Variants in FMN1 observed in about 807,000 individuals in gnomAD.
The protein encoded by FMN1 is formin 1.
Under a neutral mutation model 132.4 loss-of-function variants are expected in FMN1, and 110 were observed. The observed-to-expected ratio is 0.83, with a 90% CI of 0.71 to 0.97. The LOEUF (loss-of-function observed/expected upper bound fraction) is 0.97. FMN1 is among the 50% of genes least tolerant of loss of function. FMN1 has a pLI of 0.00. For missense variants in FMN1, 1,792 were observed against 1,705.3 expected, an observed-to-expected ratio of 1.05 and a Z score of -0.90; for synonymous variants, 722 against 651.7, an observed-to-expected ratio of 1.11 and a Z score of -1.64.
chr15:33,009,782 T>C (rs2034608909), intron 6 of FMN1, among the ~76,000 whole-genome samples: 1 of 152,234 alleles, frequency 6.6e-6, no homozygotes, highest in Admixed American at 6.5e-5. Flanking sequence ...CCAGTAAACA[T>C]GCTTCATTTA....
intron 6 of FMN1, among the ~76,000 whole-genome samples, chr15:33,020,564 T>C (rs1208435158): frequency 6.6e-6 from 1 of 151,502 alleles, no homozygotes; most frequent in Admixed American, 6.6e-5. Context: ...GGAGAACTGC[T>C]TGAACCCAGG....
At chr15:32,792,679 GT>G (rs2057131176) in intron 19 of FMN1, among the ~76,000 whole-genome samples, 1 of 152,116 alleles carries the variant, frequency 6.6e-6, no homozygotes, top group South Asian at 2.1e-4. Flanking sequence ...ATGAGACTAA[GT>G]TCTGTCCAAT....
intron 8 of FMN1, among the ~76,000 whole-genome samples, chr15:32,965,731 C>T (rs1446146891): frequency 6.6e-6 from 1 of 152,248 alleles, no homozygotes; most frequent in East Asian, 1.9e-4. Flanking sequence ...CTCTCCTCTA[C>T]TTTTTATTTT....
chr15:33,023,059 C>CAAAAAAAAAAAAAAAAAAA, intron 6 of FMN1, among the ~76,000 whole-genome samples: 1 of 53,214 alleles, frequency 1.9e-5, no homozygotes, highest in Non-Finnish European at 3.4e-5. Context: ...CTCCCCCACC[C>CAAAAAAAAAAAAAAAAAAA]AAAAAAAAAA....
intron 20 of FMN1, among the ~76,000 whole-genome samples, chr15:32,775,108 A>C (rs2056374935): frequency 6.6e-6 from 1 of 152,226 alleles, no homozygotes; most frequent in Admixed American, 6.5e-5. Context: ...TTTTGGAATG[A>C]GCAGATGCAG....
chr15:32,884,417 C>A (rs1249133470), intron 16 of FMN1, among the ~76,000 whole-genome samples: 1 of 152,206 alleles, frequency 6.6e-6, no homozygotes, highest in Non-Finnish European at 1.5e-5. Flanking sequence ...TCCCTCTGAT[C>A]ATAGCCAGGG....
At chr15:33,042,571 T>C (rs1232121101) in intron 6 of FMN1, among the ~76,000 whole-genome samples, 2 of 152,210 alleles carry the variant, frequency 1.3e-5, no homozygotes, top group Admixed American at 6.5e-5. Flanking sequence ...ATAAAAGGTC[T>C]ATACACAGAT....
chr15:33,113,861 T>C (rs1382874343), intron 4 of FMN1, among the ~76,000 whole-genome samples: 1 of 152,186 alleles, frequency 6.6e-6, no homozygotes, highest in African/African-American at 2.4e-5. Flanking sequence ...TCTTTAACAA[T>C]GAAACCCTGA....
At chr15:33,125,927 A>C (rs1166619927) in intron 4 of FMN1, among the ~76,000 whole-genome samples, 1 of 152,204 alleles carries the variant, frequency 6.6e-6, no homozygotes, top group Admixed American at 6.5e-5. Flanking sequence ...CTTTCTAAAA[A>C]CCATCTCTAA....
chr15:32,853,540 T>C (rs1368369337), intron 17 of FMN1, among the ~76,000 whole-genome samples: 2 of 152,208 alleles, frequency 1.3e-5, no homozygotes, highest in East Asian at 3.8e-4. Flanking sequence ...CTGTGGCAAA[T>C]GGAAAATCCT....
chr15:32,845,705 T>C (rs1015230632), intron 17 of FMN1, among the ~76,000 whole-genome samples: 5 of 152,144 alleles, frequency 3.3e-5, no homozygotes, highest in South Asian at 4.1e-4. Flanking sequence ...TATGCACCTG[T>C]TGAAGTCAAG....
At position 33,047,593 on chromosome 15, in the gene FMN1, A is replaced by C. The variant is rs370997328; in HGVS notation, c.2161+17364T>G. Among the ~76,000 whole-genome samples the C allele has an allele frequency of 6.6e-4, 101 of 152,334 alleles. 1 individual carries two copies. The highest frequency in any genetic ancestry group is 2.4e-3 in the African/African-American group (99 of 41,576). ...ATAAAGCCTCAGAAATTAAAAGCAA[A>C]TAGATCCCTCTCGAAATCTAAGGTT... On this transcript the variant is annotated intron_variant, in intron 6 of 20. Coordinates refer to ENST00000616417, the MANE Select transcript of FMN1 (RefSeq NM_001277313.2).
chr15:33,102,405 C>G (rs958247784), intron 4 of FMN1, among the ~76,000 whole-genome samples: 1 of 152,094 alleles, frequency 6.6e-6, no homozygotes, highest in Non-Finnish European at 1.5e-5. Context: ...CAAAGCTAGA[C>G]TATTCTCATA....
intron 4 of FMN1, among the ~76,000 whole-genome samples, chr15:33,105,004 G>A (rs993104453): frequency 2.0e-5 from 3 of 152,098 alleles, no homozygotes; most frequent in Non-Finnish European, 4.4e-5. Context: ...GAGAGGTGGT[G>A]GAGATGCCCT....
At chr15:33,044,103 G>T (rs1313347475) in intron 6 of FMN1, among the ~76,000 whole-genome samples, 1 of 152,204 alleles carries the variant, frequency 6.6e-6, no homozygotes, top group African/African-American at 2.4e-5. Flanking sequence ...ACACATTCAG[G>T]GCAGTGCTGA....
At chr15:33,012,219 T>C in intron 6 of FMN1, 1 of 657,230 alleles carries the variant, frequency 1.5e-6, no homozygotes. Context: ...TGAGGAATCA[T>C]TTTGAGCAAT....
rs969304837 is a variant in FMN1, at chr15:33,078,655, AAAC to A, written c.2043+10141_2043+10143del. Among the ~76,000 whole-genome samples, 7 of 152,042 alleles carry A rather than the reference AAAC, an allele frequency of 4.6e-5. No homozygotes were observed. The South Asian group carries it at 8.3e-4, about 18-fold the overall frequency. On this transcript the variant is annotated intron_variant, in intron 5 of 20. Coordinates refer to ENST00000616417, the MANE Select transcript of FMN1 (RefSeq NM_001277313.2). ...AATCCAAAAGGCAACAAAAAAAAAA[AAAC>A]AACTGGGCCATAAAAACCAGAACTT...
chr15:32,881,907 G>T (rs1341320755), intron 16 of FMN1, among the ~76,000 whole-genome samples: 1 of 152,144 alleles, frequency 6.6e-6, no homozygotes, highest in Non-Finnish European at 1.5e-5. Context: ...GGTTGCCCAG[G>T]GATGGCCCTT....
intron 4 of FMN1, among the ~76,000 whole-genome samples, chr15:33,093,290 T>TA (rs1228025788): frequency 2.0e-5 from 3 of 149,562 alleles, no homozygotes; most frequent in African/African-American, 7.4e-5. Flanking sequence ...CCCTAAGAGG[T>TA]AAAGTTTTCT....
Sources: allele counts gnomAD v4.1 joint callset (sites outside exome capture counted in the v4.1 genomes callset), GRCh38; gene constraint gnomAD v4.1.1; transcripts MANE v1.5; gene names NCBI Gene and HGNC (gene_info 2026-07-23, HGNC 2026-07-21).